Variants in CDH23 observed in about 807,000 individuals in gnomAD.
The protein encoded by CDH23 is cadherin-23.
CDH23 carries 189 observed loss-of-function variants against 317.1 expected under a neutral mutation model. That is an observed-to-expected ratio of 0.60 (90% confidence interval 0.53 to 0.67). The LOEUF is 0.67. Ranked by LOEUF, CDH23 falls within the 30% of genes least tolerant of loss-of-function variation. CDH23 has a pLI of 0.00. For synonymous variants in CDH23, 1,839 were observed against 1,876.8 expected (o/e 0.98, Z 0.52); for missense variants, 4,401 against 4,592.4 (o/e 0.96, Z 1.20).
At chr10:71,573,119 T>C (rs1589222316) in intron 8 of CDH23, among the ~76,000 whole-genome samples, 1 of 152,224 alleles carries the variant, frequency 6.6e-6, no homozygotes, top group Admixed American at 6.5e-5. Context: ...TTGGAGATAA[T>C]GCACATAAAA....
chr10:71,717,498 T>G (rs1467456003), intron 28 of CDH23: 1 of 152,244 alleles, frequency 6.6e-6, no homozygotes, highest in Non-Finnish European at 1.5e-5. Context: ...CTGAAGATCA[T>G]CCCATTAGAC....
intron 38 of CDH23, chr10:71,750,879 A>C (rs1189111095): frequency 5.2e-6 from 1 of 192,294 alleles, no homozygotes; most frequent in Non-Finnish European, 1.1e-5. Context: ...AGGGTGGCCC[A>C]GTGTCCATCT....
intron 30 of CDH23, among the ~76,000 whole-genome samples, chr10:71,725,864 C>T (rs1375253160): frequency 6.6e-6 from 1 of 151,388 alleles, no homozygotes; most frequent in East Asian, 1.9e-4. Context: ...GGTACAGATG[C>T]TAACCTCATT....
intron 69 of CDH23, among the ~76,000 whole-genome samples, chr10:71,813,800 C>T (rs1167241158): frequency 1.3e-5 from 2 of 152,066 alleles, no homozygotes; most frequent in East Asian, 3.9e-4. Context: ...CCCAGCTACT[C>T]AGGGGGCTGA....
chr10:71,752,955 A>G (rs138994922), intron 38 of CDH23: 1 of 1,611,818 alleles, frequency 6.2e-7, no homozygotes, highest in African/African-American at 1.3e-5. Flanking sequence ...TTTTCTCAAG[A>G]AGGTCTCCAT....
At chr10:71,640,485 C>G (rs930232722) in intron 11 of CDH23, among the ~76,000 whole-genome samples, 1 of 152,232 alleles carries the variant, frequency 6.6e-6, no homozygotes, top group African/African-American at 2.4e-5. Context: ...AGCGGTGGCT[C>G]ACGCCTGTAA....
chr10:71,399,232 C>T (rs114974685), intron 1 of CDH23, among the ~76,000 whole-genome samples: 349 of 152,324 alleles, frequency 2.3e-3, no homozygotes, highest in African/African-American at 7.6e-3. Flanking sequence ...GGACATGCAG[C>T]GTCGGCATCA....
chr10:71,645,816 G>A lies in CDH23; in HGVS notation c.1141-15G>A, dbSNP rs186887035. 23 of 1,605,712 alleles carry A rather than the reference G, an allele frequency of 1.4e-5. No individual in the cohort carries two copies. Among genetic ancestry groups the A allele is most frequent in the Admixed American group, 1.2e-4 (7 of 59,530 alleles). On this transcript the variant is annotated splice_polypyrimidine_tract_variant and intron_variant, in intron 12 of 69. Coordinates refer to ENST00000224721, the MANE Select transcript of CDH23 (RefSeq NM_022124.6). ...GTGCCCTTCCTGACTGGCTTCTTCT[G>A]CACTCTTGACCCAGGGCCTGAACAG... is the stretch of plus-strand genomic sequence containing the variant.
chr10:71,508,784 C>A (rs571283238), intron 3 of CDH23, among the ~76,000 whole-genome samples: 3 of 152,200 alleles, frequency 2.0e-5, no homozygotes. Context: ...CAGAGGAAGA[C>A]TATAGACATT....
intron 11 of CDH23, among the ~76,000 whole-genome samples, chr10:71,629,144 C>T (rs574795597): frequency 3.3e-5 from 5 of 152,338 alleles, no homozygotes; most frequent in African/African-American, 1.2e-4. Flanking sequence ...TGAACACCTA[C>T]TGAGTGTCAG....
intron 38 of CDH23, chr10:71,773,344 TC>T: frequency 6.3e-7 from 1 of 1,599,334 alleles, no homozygotes; most frequent in Non-Finnish European, 8.5e-7. Flanking sequence ...GCGCCCCGCC[TC>T]CCCCGACCTT....
chr10:71,434,384 CT>C (rs1320773303), intron 1 of CDH23, among the ~76,000 whole-genome samples: 1 of 152,214 alleles, frequency 6.6e-6, no homozygotes, highest in African/African-American at 2.4e-5. Context: ...TCCTTAAGCT[CT>C]AGCACAGTGC....
In CDH23 at chr10:71,498,833, G is replaced by T. The variant is rs1056748344; in HGVS notation, c.146-11249G>T. The stretch of plus-strand genomic sequence containing the variant: ...GCAGAGGAGCTCCGGGTTTCTAAGA[G>T]TCAGGGCCAGGTCCCTGAAGTATTG... On this transcript the variant is annotated intron_variant, in intron 3 of 69. Coordinates refer to ENST00000224721, the MANE Select transcript of CDH23 (RefSeq NM_022124.6). 2.6e-5 allele frequency among the ~76,000 whole-genome samples: 4 copies of T among 152,328 alleles called. No homozygotes were observed. The South Asian group carries it at 8.3e-4, about 32-fold the overall frequency.
At chr10:71,478,589 T>TGGTGCTGGTCTGGTGCTGGTCATGGTG in intron 3 of CDH23, among the ~76,000 whole-genome samples, 1 of 152,310 alleles carries the variant, frequency 6.6e-6, no homozygotes, top group Non-Finnish European at 1.5e-5. Context: ...ATTTTACATC[T>TGGTGCTGGTCTGGTGCTGGTCATGGTG]CCAGGATCTG....
In CDH23 at chr10:71,642,491, C is replaced by T. The variant is rs1284461894; in HGVS notation, c.1135-1370C>T. Among the ~76,000 whole-genome samples the T allele has an allele frequency of 2.0e-5, 3 of 151,042 alleles. 1 individual carries two copies. Among genetic ancestry groups the T allele is most frequent in the Non-Finnish European group, 4.4e-5 (3 of 67,830 alleles). ...TCGTCTCACTCCAACCTCCGCCTCC[C>T]GGCTTCAAGCAATTCTCCTGTCTCA... On this transcript the variant is annotated intron_variant, in intron 11 of 69. Coordinates refer to ENST00000224721, the MANE Select transcript of CDH23 (RefSeq NM_022124.6).
chr10:71,451,837 T>C (rs1424679252), intron 3 of CDH23, among the ~76,000 whole-genome samples: 1 of 152,180 alleles, frequency 6.6e-6, no homozygotes, highest in Non-Finnish European at 1.5e-5. Context: ...AAGGAGTGCA[T>C]GTCTGGACTT....
Position 71,503,316 on chromosome 10 carries a change from G to T in CDH23, c.146-6766G>T, listed in dbSNP as rs552835925. 1.1e-3 allele frequency among the ~76,000 whole-genome samples: 165 copies of T among 152,240 alleles called. 1 individual carries two copies. Among genetic ancestry groups the T allele is most frequent in the Non-Finnish European group, 1.9e-3 (132 of 68,048 alleles). On this transcript the variant is annotated intron_variant, in intron 3 of 69. Transcript: ENST00000224721. The stretch of plus-strand genomic sequence containing the variant: ...TTGCACAGCTGTGATTCCTGCCTGG[G>T]CCCAAAGACAAGTGCTACTGATTTG...
At chr10:71,585,333 G>A (rs1384483310) in intron 9 of CDH23, among the ~76,000 whole-genome samples, 1 of 152,190 alleles carries the variant, frequency 6.6e-6, no homozygotes, top group Non-Finnish European at 1.5e-5. Flanking sequence ...AGACCCACAT[G>A]TACCAAAACA....
Position 71,734,225 on chromosome 10 carries a change from G to T in CDH23, c.4105-15G>T, listed in dbSNP as rs1839486046. On this transcript the variant is annotated splice_polypyrimidine_tract_variant and intron_variant, in intron 32 of 69. Transcript: ENST00000224721. The stretch of plus-strand genomic sequence containing the variant: ...TGCGATGTTGTCACTCACCCATCTG[G>T]CCCCTTCCCTGCAGGGTGTGATCAC... 6.3e-7 allele frequency: 1 copy of T among 1,596,578 alleles called. No individual in the cohort carries two copies. The highest frequency in any genetic ancestry group is 8.5e-7 in the Non-Finnish European group (1 of 1,171,090).
Sources: gnomAD v4.1 joint callset for allele counts (sites outside exome capture counted in the v4.1 genomes callset) on GRCh38, gnomAD v4.1.1 for gene constraint, MANE v1.5 for transcripts, NCBI Gene and HGNC (gene_info 2026-07-23, HGNC 2026-07-21) for gene names.